PCDHAC2: variants seen among roughly 807,000 people sequenced by gnomAD.
PCDHAC2 encodes protocadherin alpha subfamily C, 2, also known as protocadherin alpha-C2.
In PCDHAC2, 24 loss-of-function variants were observed where a neutral mutation model predicts 63.3. That is an observed-to-expected ratio of 0.38 (90% CI 0.27 to 0.53). The LOEUF (loss-of-function observed/expected upper bound fraction) is 0.53, where lower values mean the gene tolerates loss of function less well. PCDHAC2 is among the 20% of genes least tolerant of loss of function. PCDHAC2 has a pLI of 0.81. For missense variants in PCDHAC2, 1,181 were observed against 1,275.2 expected (o/e 0.93, Z 1.12); for synonymous variants, 569 against 529.4 (o/e 1.07, Z -1.03).
chr5:140,969,586 C>A lies in PCDHAC2; in HGVS notation c.2565+255C>A. The A allele has an allele frequency of 3.4e-6, 3 of 894,952 alleles. No homozygotes were observed. In the Admixed American group the frequency reaches 9.0e-5, roughly 27 times the overall value. The allele number at this position is 894,952 out of a possible 1,614,324, so 55.4% of individuals were successfully genotyped here. A position where few individuals can be genotyped will look rare whatever the true frequency, so the allele number is the denominator to read the frequency against. ...AATTGTTTGAGAAGTGAGGATTAGT[C>A]TTAATATTTAATGCTAAAACACAGA... On this transcript the variant is annotated intron_variant, in intron 1 of 3. Transcript: ENST00000289269.
At chr5:140,971,743 A>G (rs979953004) in intron 1 of PCDHAC2, among the ~76,000 whole-genome samples, 1 of 151,474 alleles carries the variant, frequency 6.6e-6, no homozygotes, top group African/African-American at 2.4e-5. Flanking sequence ...ACACATACAT[A>G]TATCTCATAT....
Position 140,968,036 on chromosome 5 carries a change from A to T in PCDHAC2, c.1270A>T (p.Ser424Cys). 1 of 1,614,160 alleles carries T rather than the reference A, an allele frequency of 6.2e-7. No homozygotes were observed. The highest frequency in any genetic ancestry group is 8.5e-7 in the Non-Finnish European group (1 of 1,180,030). ...GFGNSYTLVV[S>C]GPLDRERVAV... ...TGGAAACTCCTATACACTGGTGGTG[A>T]GCGGCCCACTGGACCGAGAGCGGGT... Residue 424 changes from serine (S) to cysteine (C), a missense_variant, in exon 1 of 4, where the codon AGC becomes TGC. By Grantham distance (112) the Ser-to-Cys change is moderately radical. Transcript: ENST00000289269.
Position 140,966,613 on chromosome 5 carries a change from A to T in PCDHAC2, c.-154A>T. On this transcript the variant is annotated 5_prime_UTR_variant, in exon 1 of 4. Transcript: ENST00000289269. ...GGGCCAGGAGCCCTTGGGAGGGCCT[A>T]CGGAGGGAGCGGCCCCAGGCGCTTT... 1 of 756,596 alleles carries T rather than the reference A, an allele frequency of 1.3e-6. No homozygotes were observed. Among genetic ancestry groups the T allele is most frequent in the Non-Finnish European group, 1.9e-6 (1 of 520,376 alleles). 46.9% of individuals were successfully genotyped at this position (756,596 alleles called of 1,614,324 possible). A position where few individuals can be genotyped will look rare whatever the true frequency, so the allele number is the denominator to read the frequency against.
At position 140,968,644 on chromosome 5, in the gene PCDHAC2, G is replaced by C. The variant is rs1554230935; in HGVS notation, c.1878G>C (p.Gln626His). The change falls in exon 1 of 4, where the codon CAG becomes CAC. Residue 626 changes from glutamine (Q) to histidine (H), a missense_variant. This residue lies in a region of PCDHAC2 where 968 missense variants were observed against 1,073.5 expected (regional missense o/e 0.90). Transcript: ENST00000289269. The part of the protein sequence containing the change: ...QNAWLFYHLA[Q>H]TSDLDLFKVE... Reference sequence around the variant, plus strand: ...CTTGGCTTTTTTACCATCTAGCCCAGACTTCTGACCTGGACCTCTTTAAGG... The same window carrying C: ...CTTGGCTTTTTTACCATCTAGCCCACACTTCTGACCTGGACCTCTTTAAGG... The C allele has an allele frequency of 1.9e-6, 3 of 1,614,046 alleles. No homozygotes were observed. The highest frequency in any genetic ancestry group is 2.7e-5 in the African/African-American group (2 of 74,920).
At chr5:141,008,108 T>C (rs2098361480) in intron 3 of PCDHAC2, among the ~76,000 whole-genome samples, 1 of 152,138 alleles carries the variant, frequency 6.6e-6, no homozygotes, top group Non-Finnish European at 1.5e-5. Flanking sequence ...CTCATGAGAA[T>C]AAGTGTTTCA....
At chr5:141,006,741 A>G (rs1275777013) in intron 3 of PCDHAC2, among the ~76,000 whole-genome samples, 2 of 152,208 alleles carry the variant, frequency 1.3e-5, no homozygotes, top group Non-Finnish European at 2.9e-5. Flanking sequence ...TTGATGATGT[A>G]TTATAAATGG....
intron 1 of PCDHAC2, among the ~76,000 whole-genome samples, chr5:140,977,306 C>T (rs995052680): frequency 6.6e-6 from 1 of 152,150 alleles, no homozygotes; most frequent in African/African-American, 2.4e-5. Context: ...GACAAGCTAA[C>T]GATAGTGCTC....
chr5:140,978,644 G>A (rs782602318), intron 1 of PCDHAC2, among the ~76,000 whole-genome samples: 18 of 152,220 alleles, frequency 1.2e-4, no homozygotes, highest in Non-Finnish European at 1.9e-4. Context: ...AAAGCAGACT[G>A]TTCTTCCCGT....
At chr5:141,005,939 C>A (rs1183397075) in intron 3 of PCDHAC2, among the ~76,000 whole-genome samples, 2 of 151,786 alleles carry the variant, frequency 1.3e-5, no homozygotes, top group Non-Finnish European at 2.9e-5. Flanking sequence ...AGAGTGAGAA[C>A]CTATCTCTAA....
chr5:140,985,508 A>G (rs2097155357), intron 3 of PCDHAC2, among the ~76,000 whole-genome samples: 1 of 152,160 alleles, frequency 6.6e-6, no homozygotes, highest in Admixed American at 6.5e-5. Context: ...CCTTTCATTG[A>G]TTCTGTTGCC....
At chr5:141,002,759 G>A (rs1312107218) in intron 3 of PCDHAC2, among the ~76,000 whole-genome samples, 1 of 152,214 alleles carries the variant, frequency 6.6e-6, no homozygotes, top group Non-Finnish European at 1.5e-5. Flanking sequence ...ACCCTGTGAT[G>A]TAGACAGGAA....
chr5:141,009,941 C>T lies in PCDHAC2; in HGVS notation c.*4C>T, dbSNP rs976573218. On this transcript the variant is annotated 3_prime_UTR_variant, in exon 4 of 4. Coordinates refer to ENST00000289269, the MANE Select transcript of PCDHAC2 (RefSeq NM_018899.6). ...GACTGACAACAGTGACCAGTGAGGT[C>T]CTCAAATGGAAACAAGCCACTTAGC... is the stretch of plus-strand genomic sequence containing the variant. 6.3e-7 allele frequency: 1 copy of T among 1,597,476 alleles called. No individual in the cohort carries two copies. The highest frequency in any genetic ancestry group is 1.4e-5 in the African/African-American group (1 of 73,558).
At position 140,967,881 on chromosome 5, in the gene PCDHAC2, G is replaced by A. The variant is rs2096193873; in HGVS notation, c.1115G>A (p.Ser372Asn). Residue 372 changes from serine to asparagine, a missense_variant, in exon 1 of 4, where the codon AGC becomes AAC. Physicochemically the swap from Ser to Asn is conservative, Grantham distance 46. Around this residue, in one of 3 missense-constraint regions of PCDHAC2, gnomAD observed 968 missense variants for 1,073.5 expected, o/e 0.90. Transcript: ENST00000289269. ...GAGGTGGTGCTCACGGACCTGTATAGCCCAGTGCCTGAGAATGCTACACCC... is the reference window on the plus strand; with the variant it reads ...GAGGTGGTGCTCACGGACCTGTATAACCCAGTGCCTGAGAATGCTACACCC... ...APEVVLTDLY[S>N]PVPENATPNT... The A allele has an allele frequency of 1.2e-6, 2 of 1,614,034 alleles. No individual in the cohort carries two copies. The highest frequency in any genetic ancestry group is 1.7e-6 in the Non-Finnish European group (2 of 1,180,032).
chr5:140,968,652 ACCTGGACCT>A lies in PCDHAC2; in HGVS notation c.1888_1896del (p.Leu630_Leu632del), dbSNP rs1332508740. The A allele has an allele frequency of 1.9e-6, 3 of 1,614,000 alleles. No homozygotes were observed. In the African/African-American group the frequency reaches 4.0e-5, roughly 22 times the overall value. On this transcript the variant is annotated inframe_deletion, in exon 1 of 4. Transcript: ENST00000289269. ...TTTTACCATCTAGCCCAGACTTCTGACCTGGACCTCTTTAAGGTAGAGCTGCACACAGGA... is the reference window on the plus strand; with the variant it reads ...TTTTACCATCTAGCCCAGACTTCTGACTTTAAGGTAGAGCTGCACACAGGA...
intron 3 of PCDHAC2, among the ~76,000 whole-genome samples, chr5:141,003,476 C>G (rs555987176): frequency 1.3e-3 from 191 of 152,130 alleles, no homozygotes; most frequent in African/African-American, 4.3e-3. Context: ...CACAGTCTCG[C>G]TAATTTTTAT....
At chr5:140,989,723 G>A (rs2097356372) in intron 3 of PCDHAC2, among the ~76,000 whole-genome samples, 1 of 152,180 alleles carries the variant, frequency 6.6e-6, no homozygotes, top group African/African-American at 2.4e-5. Flanking sequence ...CAGCTTTGCA[G>A]TTGAAAAGGC....
At chr5:140,991,422 T>G (rs140209692) in intron 3 of PCDHAC2, among the ~76,000 whole-genome samples, 7 of 152,330 alleles carry the variant, frequency 4.6e-5, no homozygotes, top group Admixed American at 1.3e-4. Context: ...TATAACAAAT[T>G]AACCATAAAC....
At chr5:140,986,372 G>T (rs570215048) in intron 3 of PCDHAC2, among the ~76,000 whole-genome samples, 10 of 152,248 alleles carry the variant, frequency 6.6e-5, no homozygotes, top group African/African-American at 1.2e-4. Flanking sequence ...ATGCGTTTTG[G>T]GGGGAGGGAC....
chr5:140,993,828 A>G (rs1170306716), intron 3 of PCDHAC2, among the ~76,000 whole-genome samples: 1 of 152,226 alleles, frequency 6.6e-6, no homozygotes, highest in East Asian at 1.9e-4. Context: ...AGGCTATACC[A>G]TATAGCCTAG....
Sources: allele counts gnomAD v4.1 joint callset (sites outside exome capture counted in the v4.1 genomes callset), GRCh38; gene constraint gnomAD v4.1.1; regional missense constraint gnomAD v4.1.1; transcripts MANE v1.5; gene names NCBI Gene and HGNC (gene_info 2026-07-23, HGNC 2026-07-21).